MEGF8: variants seen among roughly 807,000 people sequenced by gnomAD.
MEGF8 encodes multiple epidermal growth factor-like domains protein 8.
A neutral mutation model predicts 302.9 loss-of-function variants in MEGF8; 156 were observed. That is an observed-to-expected ratio of 0.52 (90% confidence interval 0.45 to 0.59). The LOEUF (loss-of-function observed/expected upper bound fraction) is 0.59, where lower values mean the gene tolerates loss of function less well. Among genes scored for constraint, MEGF8 ranks in the 20% least tolerant of loss-of-function variants. MEGF8 has a pLI of 0.00. For missense variants in MEGF8, 3,345 were observed against 3,964.5 expected (o/e 0.84, Z 4.20); for synonymous variants, 1,621 against 1,660.5 (o/e 0.98, Z 0.58).
chr19:42,345,753 CA>C lies in MEGF8; in HGVS notation c.2097+921del, dbSNP rs2039280421. Among the ~76,000 whole-genome samples the C allele has an allele frequency of 2.6e-5, 4 of 152,288 alleles. 1 individual carries two copies. The South Asian group carries it at 8.3e-4, about 32-fold the overall frequency. On this transcript the variant is annotated intron_variant, in intron 12 of 41. Coordinates refer to ENST00000251268, the MANE Select transcript of MEGF8 (RefSeq NM_001271938.2). Reference sequence around the variant, plus strand: ...CTATTGTGAATAATGCTGGTATGAGCACTTGTGTACACGTTTTTGTTTGAAC... The same window carrying C: ...CTATTGTGAATAATGCTGGTATGAGCCTTGTGTACACGTTTTTGTTTGAAC...
intron 14 of MEGF8, 40 bp from the exon 15 acceptor site, chr19:42,350,108 C>A: frequency 6.5e-7 from 1 of 1,536,592 alleles, no homozygotes; most frequent in South Asian, 1.2e-5. Flanking sequence ...GACCCCTGCC[C>A]CAGACCTTGA....
intron 8 of MEGF8, among the ~76,000 whole-genome samples, chr19:42,337,513 T>C (rs1227337954): frequency 6.7e-6 from 1 of 149,398 alleles, no homozygotes; most frequent in East Asian, 1.9e-4. Flanking sequence ...TTTCTTTTTT[T>C]TTTTTTTTTT....
chr19:42,358,994 G>T lies in MEGF8; in HGVS notation c.5343+40G>T, dbSNP rs375016344. 143 of 1,590,310 alleles carry T rather than the reference G, an allele frequency of 9.0e-5. No homozygotes were observed. Among genetic ancestry groups the T allele is most frequent in the Admixed American group, 4.1e-4 (23 of 55,734 alleles). On this transcript the variant is annotated intron_variant, in intron 30 of 41. Coordinates refer to ENST00000251268, the MANE Select transcript of MEGF8 (RefSeq NM_001271938.2). This position sits in a 1 kb window ranked among gnomAD's most constrained non-coding sequence, Gnocchi z 4.4. The stretch of plus-strand genomic sequence containing the variant: ...GGGTTAGGATTGGGTGGGCTGGTAG[G>T]GGGGGATAGGTAGGGAAGTACAGGG...
chr19:42,326,931 T>C (rs1676220), intron 1 of MEGF8, among the ~76,000 whole-genome samples: 12,403 of 151,926 alleles, frequency 0.082, 642 homozygotes, highest in Middle Eastern at 0.17. Context: ...TCCTGAACTC[T>C]TGGGCTCAAA....
Position 42,344,479 on chromosome 19 carries a change from G to T in MEGF8, c.1827G>T (p.Leu609=). 1.9e-6 allele frequency: 3 copies of T among 1,597,856 alleles called. No individual in the cohort carries two copies. The highest frequency in any genetic ancestry group is 2.5e-6 in the Non-Finnish European group (3 of 1,179,128). The change falls in exon 11 of 42, where the codon CTG becomes CTT. Residue 609 remains leucine (L), a synonymous_variant. Coordinates refer to ENST00000251268, the MANE Select transcript of MEGF8 (RefSeq NM_001271938.2). The surrounding 1 kb of genome is among the most constrained non-coding windows in gnomAD (Gnocchi z 4.5). The part of the protein sequence containing the change: ...AASCLGLGRL[L]GDCQACLAFS... ...GCTGCCTGGGCCTGGGCCGCCTCCT[G>T]GGTGACTGCCAGGCCTGCCTGGCCT...
chr19:42,368,448 C>A lies in MEGF8; in HGVS notation c.6274-7C>A, dbSNP rs772512683. ...CCCTGCATCCCCATCCCCTCCCCCC[C>A]ATACAGTGTCTGAGCCCTTCCTACC... On this transcript the variant is annotated splice_region_variant and splice_polypyrimidine_tract_variant and intron_variant, in intron 35 of 41. Coordinates refer to ENST00000251268, the MANE Select transcript of MEGF8 (RefSeq NM_001271938.2). This position sits in a 1 kb window ranked among gnomAD's most constrained non-coding sequence, Gnocchi z 4.9. 28 of 1,597,196 alleles carry A rather than the reference C, an allele frequency of 1.8e-5. No homozygotes were observed. Among genetic ancestry groups the A allele is most frequent in the African/African-American group, 1.3e-4 (10 of 74,362 alleles).
At chr19:42,349,449 G>A (rs570673408) in intron 13 of MEGF8, 50 bp from the exon 14 acceptor site, 6 of 1,535,802 alleles carry the variant, frequency 3.9e-6, no homozygotes, top group Admixed American at 1.8e-5. Context: ...GTCTGAGGAA[G>A]GAATGGGAAG....
intron 1 of MEGF8, among the ~76,000 whole-genome samples, chr19:42,333,112 G>A (rs57700730): frequency 3.7e-4 from 57 of 152,334 alleles, no homozygotes; most frequent in African/African-American, 1.3e-3. Context: ...TGTTCTGGGG[G>A]AAGAAGCTGG....
rs2039658113 is a variant in MEGF8 at position 42,369,666 on chromosome 19, TGAA to T, written c.6778_6780del (p.Glu2260del). 1 of 1,612,758 alleles carries T rather than the reference TGAA, an allele frequency of 6.2e-7. No individual in the cohort carries two copies. The highest frequency in any genetic ancestry group is 2.2e-5 in the East Asian group (1 of 44,878). On this transcript the variant is annotated inframe_deletion, in exon 38 of 42. Coordinates refer to ENST00000251268, the MANE Select transcript of MEGF8 (RefSeq NM_001271938.2). The surrounding 1 kb of genome is among the most constrained non-coding windows in gnomAD (Gnocchi z 5.7). ...CGGAATGCCGCTGCAACCGCCACAG[TGAA>T]TGCGCTGGTGTTGGGGCGCGTGACC...
chr19:42,361,758 G>T (rs947179658), intron 32 of MEGF8, among the ~76,000 whole-genome samples: 1 of 152,122 alleles, frequency 6.6e-6, no homozygotes, highest in South Asian at 2.1e-4. Flanking sequence ...GTTGTGAGGG[G>T]TAGAGTGACG....
Position 42,368,386 on chromosome 19 carries a change from A to G in MEGF8, c.6274-69A>G. On this transcript the variant is annotated intron_variant, in intron 35 of 41. Coordinates refer to ENST00000251268, the MANE Select transcript of MEGF8 (RefSeq NM_001271938.2). This position sits in a 1 kb window ranked among gnomAD's most constrained non-coding sequence, Gnocchi z 4.9. ...GGTGTGGTCTGGGAAGATACCCAGAATGTGTTTGTTTAAGCTTATTTCCCC... is the reference window on the plus strand; with the variant it reads ...GGTGTGGTCTGGGAAGATACCCAGAGTGTGTTTGTTTAAGCTTATTTCCCC... 7.4e-7 allele frequency: 1 copy of G among 1,351,418 alleles called. No individual in the cohort carries two copies. Among genetic ancestry groups the G allele is most frequent in the Admixed American group, 2.3e-5 (1 of 42,850 alleles). 83.7% of individuals were successfully genotyped at this position (1,351,418 alleles called of 1,614,324 possible). A position where few individuals can be genotyped will look rare whatever the true frequency, so the allele number is the denominator to read the frequency against.
At chr19:42,347,905 T>G (rs2147470030) in intron 12 of MEGF8, among the ~76,000 whole-genome samples, 1 of 152,178 alleles carries the variant, frequency 6.6e-6, no homozygotes, top group Non-Finnish European at 1.5e-5. Context: ...ACCAGGAAAA[T>G]AAATCTTGCA....
chr19:42,337,110 G>A lies in MEGF8; in HGVS notation c.1417G>A (p.Glu473Lys). The A allele has an allele frequency of 6.2e-7, 1 of 1,614,000 alleles. No individual in the cohort carries two copies. Among genetic ancestry groups the A allele is most frequent in the Non-Finnish European group, 8.5e-7 (1 of 1,179,882 alleles). ...YGGNVHTHYQ[E>K]EKCYEDGIFF... is the part of the protein sequence containing the mutation. ...GGGCAATGTGCACACCCATTACCAG[G>A]AGGAAAAGTGCTACGAAGATGGCAT... Residue 473 changes from glutamate to lysine, a missense_variant, in exon 8 of 42, where the codon GAG (glutamate) becomes AAG (lysine). Coordinates refer to ENST00000251268, the MANE Select transcript of MEGF8 (RefSeq NM_001271938.2).
chr19:42,336,806 G>T lies in MEGF8; in HGVS notation c.1245-1G>T. On this transcript the variant is annotated splice_acceptor_variant, in intron 6 of 41. Coordinates refer to ENST00000251268, the MANE Select transcript of MEGF8 (RefSeq NM_001271938.2). LOFTEE classifies it high-confidence loss of function. This position sits in a 1 kb window ranked among gnomAD's most constrained non-coding sequence, Gnocchi z 4.8. ...CCCCTGCCCTGCTTCTCCTTCGGTA[G>T]GTTCTCTGTGCGAGTGAACTCCACT... The T allele has an allele frequency of 6.3e-7, 1 of 1,581,224 alleles. No homozygotes were observed. The highest frequency in any genetic ancestry group is 8.6e-7 in the Non-Finnish European group (1 of 1,163,502).
Position 42,351,121 on chromosome 19 carries a change from AG to A in MEGF8, c.2737-94del, listed in dbSNP as rs1568565108. 3.8e-6 allele frequency: 4 copies of A among 1,056,640 alleles called. No homozygotes were observed. Among genetic ancestry groups the A allele is most frequent in the Non-Finnish European group, 5.5e-6 (4 of 730,884 alleles). The allele number at this position is 1,056,640 out of a possible 1,614,324, so 65.5% of individuals were successfully genotyped here. A position where few individuals can be genotyped will look rare whatever the true frequency, so the allele number is the denominator to read the frequency against. Reference sequence around the variant, plus strand: ...GGGAGGGAGATGGCCTTACAGGGACAGTCTGCAGGGTGGGGCAGGGGGTGGG... The same window carrying A: ...GGGAGGGAGATGGCCTTACAGGGACATCTGCAGGGTGGGGCAGGGGGTGGG... On this transcript the variant is annotated intron_variant, in intron 15 of 41. Transcript: ENST00000251268. The surrounding 1 kb of genome is among the most constrained non-coding windows in gnomAD (Gnocchi z 5.6).
At chr19:42,326,621 T>C (rs1396039977) in intron 1 of MEGF8, among the ~76,000 whole-genome samples, 191 bp downstream of exon 1, 1 of 152,080 alleles carries the variant, frequency 6.6e-6, no homozygotes, top group Non-Finnish European at 1.5e-5. Flanking sequence ...GAGATGCACC[T>C]ACACCCAGAT....
intron 38 of MEGF8, 34 bp from the exon 39 acceptor site, chr19:42,370,155 C>A: frequency 6.3e-7 from 1 of 1,582,022 alleles, no homozygotes; most frequent in Non-Finnish European, 8.6e-7. Context: ...GATGACTCTC[C>A]AGCCTCTCTA....
rs375545228 is a variant in MEGF8 at position 42,356,916 on chromosome 19, G to T, written c.4765G>T (p.Ala1589Ser). 6.2e-7 allele frequency: 1 copy of T among 1,610,512 alleles called. No homozygotes were observed. Among genetic ancestry groups the T allele is most frequent in the Middle Eastern group, 1.7e-4 (1 of 6,054 alleles). The change falls in exon 27 of 42, where the codon GCT (alanine) becomes TCT (serine). Residue 1589 changes from alanine to serine, a missense_variant. Physicochemically the swap from Ala to Ser is moderately conservative, Grantham distance 99. Coordinates refer to ENST00000251268, the MANE Select transcript of MEGF8 (RefSeq NM_001271938.2). This position sits in a 1 kb window ranked among gnomAD's most constrained non-coding sequence, Gnocchi z 5.2. ...CATGTATCTGCTGGGGGGACTTACC[G>T]CTGGAGGCGTCACCCGTGATTTCTG... ...GAMYLLGGLT[A>S]GGVTRDFWVL...
Position 42,344,921 on chromosome 19 carries a change from T to C in MEGF8, c.2097+88T>C, listed in dbSNP as rs2039267730. The C allele has an allele frequency of 7.4e-6, 10 of 1,343,828 alleles. No homozygotes were observed. The highest frequency in any genetic ancestry group is 1.7e-5 in the South Asian group (1 of 58,488). The allele number at this position is 1,343,828 out of a possible 1,614,324, so 83.2% of individuals were successfully genotyped here. On this transcript the variant is annotated intron_variant, in intron 12 of 41. Transcript: ENST00000251268. The surrounding 1 kb of genome is among the most constrained non-coding windows in gnomAD (Gnocchi z 4.5). ...CTCAAATGCATCTTTATCACTCTTA[T>C]GTTTACTCCAAAACTCTTTACATTC... is the stretch of plus-strand genomic sequence containing the variant.
Sources: gnomAD v4.1 joint callset for allele counts (sites outside exome capture counted in the v4.1 genomes callset) on GRCh38, gnomAD v4.1.1 for gene constraint, Gnocchi (gnomAD v3.1) non-coding constraint, MANE v1.5 for transcripts, NCBI Gene and HGNC (gene_info 2026-07-23, HGNC 2026-07-21) for gene names.